The following ROBO2 variants were observed in gnomAD, a reference collection of about 807,000 sequenced individuals.
ROBO2 encodes the protein roundabout guidance receptor 2.
ROBO2 carries 53 observed loss-of-function variants against 160.8 expected under a neutral mutation model. The observed-to-expected ratio is 0.33, with a 90% CI of 0.26 to 0.41. ROBO2 has a LOEUF of 0.41. Among genes scored for constraint, ROBO2 ranks in the 10% least tolerant of loss-of-function variants. ROBO2 has a pLI of 1.00. For synonymous variants in ROBO2, 664 were observed against 611.7 expected, an observed-to-expected ratio of 1.09 and a Z score of -1.26; for missense variants, 1,577 against 1,722.4, an observed-to-expected ratio of 0.92 and a Z score of 1.49.
chr3:77,602,743 T>C (rs1202048331), intron 20 of ROBO2, among the ~76,000 whole-genome samples: 1 of 133,474 alleles, frequency 7.5e-6, no homozygotes, highest in African/African-American at 2.8e-5. Flanking sequence ...TGCCAATCGG[T>C]TTCATCTTTT....
chr3:76,972,131 G>A lies in ROBO2; in HGVS notation c.110-125883G>A, dbSNP rs1008969947. Reference sequence around the variant, plus strand: ...CTAACACCTTAACAAATTCTTTAAAGGAAATTGTAGGAACTCTCTTTCTTA... The same window carrying A: ...CTAACACCTTAACAAATTCTTTAAAAGAAATTGTAGGAACTCTCTTTCTTA... On this transcript the variant is annotated intron_variant, in intron 2 of 26. Transcript: ENST00000487694. Among the ~76,000 whole-genome samples the A allele has an allele frequency of 3.9e-5, 6 of 152,084 alleles. No homozygotes were observed. In the East Asian group the frequency reaches 1.2e-3, roughly 29 times the overall value.
intron 2 of ROBO2, among the ~76,000 whole-genome samples, chr3:77,461,362 G>A (rs181297983): frequency 9.0e-4 from 137 of 151,840 alleles, no homozygotes; most frequent in African/African-American, 3.2e-3. Context: ...ATAGATCCAA[G>A]GATTAGACAA....
chr3:77,416,923 T>C (rs1390724790), intron 2 of ROBO2, among the ~76,000 whole-genome samples: 3 of 152,124 alleles, frequency 2.0e-5, no homozygotes, highest in African/African-American at 2.4e-5. Context: ...TGTCAAGATG[T>C]AGATTGCCGA....
At chr3:77,486,646 T>G (rs1220000823) in intron 4 of ROBO2, among the ~76,000 whole-genome samples, 1 of 152,232 alleles carries the variant, frequency 6.6e-6, no homozygotes, top group Non-Finnish European at 1.5e-5. Context: ...TTTAAGTTCC[T>G]TGTACATCTG....
chr3:77,509,556 A>T (rs775376983), intron 5 of ROBO2, among the ~76,000 whole-genome samples: 2 of 152,038 alleles, frequency 1.3e-5, no homozygotes, highest in African/African-American at 2.4e-5. Flanking sequence ...AGAATATTTG[A>T]AGTGGAAAAT....
At chr3:76,624,725 G>A (rs535783703) in intron 2 of ROBO2, among the ~76,000 whole-genome samples, 1 of 143,968 alleles carries the variant, frequency 6.9e-6, no homozygotes, top group South Asian at 2.2e-4. Context: ...TTGCACCTGG[G>A]AGGCTGAGCT....
chr3:77,587,805 C>T (rs898111456), intron 16 of ROBO2, among the ~76,000 whole-genome samples: 17 of 152,014 alleles, frequency 1.1e-4, no homozygotes, highest in African/African-American at 3.6e-4. Context: ...TACCATTTAC[C>T]TTTTAAAAGT....
intron 2 of ROBO2, among the ~76,000 whole-genome samples, chr3:76,992,851 T>C (rs1358488445): frequency 1.3e-5 from 2 of 152,158 alleles, no homozygotes; most frequent in African/African-American, 4.8e-5. Flanking sequence ...GGAGTCTCAC[T>C]CTGTCATCCA....
At chr3:76,890,039 C>T (rs2074219863) in intron 2 of ROBO2, among the ~76,000 whole-genome samples, 1 of 152,100 alleles carries the variant, frequency 6.6e-6, no homozygotes, top group South Asian at 2.1e-4. Context: ...ATCCTAAGGA[C>T]TTTCCTTTCA....
In ROBO2 at chr3:76,170,186, T is replaced by C. The variant is rs975972528; in HGVS notation, c.109+232584T>C. ...TTAGCATGGGTAATACAGGGTTTGT[T>C]TTCCTGGAATCTTCACATACATGCA... On this transcript the variant is annotated intron_variant, in intron 2 of 26. Transcript: ENST00000487694. Among the ~76,000 whole-genome samples, 6 of 152,304 alleles carry C rather than the reference T, an allele frequency of 3.9e-5. No homozygotes were observed. In the South Asian group the frequency reaches 1.2e-3, roughly 32 times the overall value.
chr3:76,551,754 G>A (rs928800306), intron 2 of ROBO2, among the ~76,000 whole-genome samples: 1 of 152,270 alleles, frequency 6.6e-6, no homozygotes, highest in African/African-American at 2.4e-5. Context: ...GAAGCTGCCT[G>A]TGGTACATCA....
intron 2 of ROBO2, among the ~76,000 whole-genome samples, chr3:75,957,663 G>A (rs568610901): frequency 1.3e-3 from 200 of 149,814 alleles, no homozygotes; most frequent in African/African-American, 3.0e-3. Context: ...TTATTGATGC[G>A]TTCTTGAAAG....
At chr3:76,485,480 T>C (rs2107419414) in intron 2 of ROBO2, among the ~76,000 whole-genome samples, 1 of 152,180 alleles carries the variant, frequency 6.6e-6, no homozygotes, top group Non-Finnish European at 1.5e-5. Context: ...TGTGGCCCGG[T>C]TCCTAACAGA....
intron 2 of ROBO2, among the ~76,000 whole-genome samples, chr3:76,556,203 T>A (rs566600041): frequency 5.3e-5 from 8 of 152,164 alleles, no homozygotes; most frequent in Non-Finnish European, 8.8e-5. Flanking sequence ...TATATCCTAT[T>A]AAGAATTCAC....
At chr3:77,045,124 T>C (rs1172579010) in intron 1 of ROBO2, among the ~76,000 whole-genome samples, 3 of 152,110 alleles carry the variant, frequency 2.0e-5, no homozygotes, top group Non-Finnish European at 4.4e-5. Context: ...CTTCTTCTTG[T>C]AAAAGAATTA....
chr3:76,025,391 T>G (rs1201455345), intron 2 of ROBO2, among the ~76,000 whole-genome samples: 1 of 151,616 alleles, frequency 6.6e-6, no homozygotes, highest in East Asian at 1.9e-4. Flanking sequence ...GAAGTGAAGC[T>G]TTCAATAAAG....
chr3:76,281,575 C>A (rs1160193230), intron 2 of ROBO2, among the ~76,000 whole-genome samples: 1 of 151,690 alleles, frequency 6.6e-6, no homozygotes, highest in Non-Finnish European at 1.5e-5. Flanking sequence ...TGCTTAAGGT[C>A]GTGTTAAGTT....
At chr3:76,334,162 A>T (rs565980003) in intron 2 of ROBO2, among the ~76,000 whole-genome samples, 20 of 152,276 alleles carry the variant, frequency 1.3e-4, no homozygotes, top group Non-Finnish European at 2.5e-4. Flanking sequence ...ATATATATAC[A>T]TATAAAAGAA....
In ROBO2 at chr3:75,915,668, G is replaced by A. The variant is rs2106776686; in HGVS notation, c.-14+8708G>A. 2.0e-5 allele frequency among the ~76,000 whole-genome samples: 3 copies of A among 152,276 alleles called. No individual in the cohort carries two copies. The South Asian group carries it at 6.2e-4, about 32-fold the overall frequency. ...GCATTCTGATAAGAAGGCAAGGCTA[G>A]AGGACTCATGTTGAGGTGGCATTTG... On this transcript the variant is annotated intron_variant, in intron 1 of 26. Coordinates refer to the ROBO2 transcript ENST00000487694.
Sources: allele counts gnomAD v4.1 joint callset (sites outside exome capture counted in the v4.1 genomes callset), GRCh38; gene constraint gnomAD v4.1.1; transcripts MANE v1.5; gene names NCBI Gene and HGNC (gene_info 2026-07-23, HGNC 2026-07-21).